The following MTMR3 variants were observed in gnomAD, a reference collection of about 807,000 sequenced individuals.
MTMR3 encodes phosphatidylinositol-3,5-bisphosphate 3-phosphatase MTMR3.
In MTMR3, 32 loss-of-function variants were observed where a neutral mutation model predicts 132.4. The ratio of observed to expected loss-of-function variants is 0.24; its 90% confidence interval spans 0.18 to 0.32. The LOEUF (loss-of-function observed/expected upper bound fraction) is 0.32, where lower values mean the gene tolerates loss of function less well. MTMR3 is among the 10% of genes least tolerant of loss of function. The pLI, the probability that MTMR3 is intolerant of heterozygous loss-of-function variation, is 1.00. For missense variants in MTMR3, 1,216 were observed against 1,489.6 expected, an observed-to-expected ratio of 0.82 and a Z score of 3.02; for synonymous variants, 556 against 550.3, an observed-to-expected ratio of 1.01 and a Z score of -0.14.
At chr22:29,923,218 G>GTT (rs530826008) in intron 1 of MTMR3, among the ~76,000 whole-genome samples, 140 of 144,792 alleles carry the variant, frequency 9.7e-4, no homozygotes, top group Non-Finnish European at 1.4e-3. Context: ...ATTTTTTGTA[G>GTT]TTTTTTTTTT....
intron 14 of MTMR3, 155 bp downstream of exon 14, chr22:30,013,696 G>C (rs1045547373): frequency 5.4e-6 from 4 of 736,614 alleles, no homozygotes; most frequent in African/African-American, 1.8e-5. Flanking sequence ...AAATAATTTT[G>C]CTATTTTCAA....
chr22:29,928,170 T>TC (rs1491449422), intron 1 of MTMR3, among the ~76,000 whole-genome samples: 1 of 121,774 alleles, frequency 8.2e-6, no homozygotes, highest in Non-Finnish European at 1.6e-5. Context: ...ATTTTTTTTT[T>TC]CTTTTTTTTT....
At chr22:29,942,592 C>T (rs1006560175) in intron 1 of MTMR3, among the ~76,000 whole-genome samples, 1 of 152,092 alleles carries the variant, frequency 6.6e-6, no homozygotes, top group Non-Finnish European at 1.5e-5. Context: ...TCCGCTACGA[C>T]CGTAAAAGAT....
chr22:30,007,874 G>A lies in MTMR3; in HGVS notation c.878-27G>A. 3 of 1,612,400 alleles carry A rather than the reference G, an allele frequency of 1.9e-6. No homozygotes were observed. The South Asian group carries it at 3.3e-5, about 18-fold the overall frequency. ...GTTCTGGGAGAGACAGGCTCATTTA[G>A]TATGCCCTCTCCCTCTGTGTCCCTA... On this transcript the variant is annotated intron_variant, in intron 10 of 19. Coordinates refer to ENST00000401950, the MANE Select transcript of MTMR3 (RefSeq NM_021090.4).
intron 2 of MTMR3, among the ~76,000 whole-genome samples, chr22:29,957,722 T>C (rs2066227727): frequency 6.6e-6 from 1 of 152,142 alleles, no homozygotes; most frequent in Non-Finnish European, 1.5e-5. Flanking sequence ...CTTAAATTGG[T>C]ATATATCTAT....
intron 15 of MTMR3, chr22:30,017,577 T>C: frequency 4.6e-6 from 1 of 215,290 alleles, no homozygotes; most frequent in South Asian, 7.7e-5. Flanking sequence ...AATCACCATC[T>C]AACAGAATGA....
chr22:30,021,984 A>C, intron 17 of MTMR3, 45 bp from the exon 18 acceptor site: 1 of 1,483,732 alleles, frequency 6.7e-7, no homozygotes, highest in Non-Finnish European at 9.4e-7. Flanking sequence ...TTCTTTTGGG[A>C]GGAGACCAGG....
intron 1 of MTMR3, among the ~76,000 whole-genome samples, chr22:29,907,506 G>C (rs2065127336): frequency 6.6e-6 from 1 of 151,210 alleles, no homozygotes. Flanking sequence ...ATAGTTGATG[G>C]ACCGTCAGAG....
At chr22:29,979,172 C>T in intron 5 of MTMR3, 120 bp downstream of exon 5, 1 of 700,982 alleles carries the variant, frequency 1.4e-6, no homozygotes, top group Admixed American at 2.4e-5. Flanking sequence ...ATGTGCTCTG[C>T]TTTTCTCACT....
At chr22:30,012,893 C>G (rs1034667379) in intron 13 of MTMR3, 1 of 228,386 alleles carries the variant, frequency 4.4e-6, no homozygotes, top group Non-Finnish European at 8.4e-6. Flanking sequence ...CCAGAGTGTT[C>G]TGTGGAGAAG....
intron 13 of MTMR3, 55 bp downstream of exon 13, chr22:30,012,618 C>T (rs2067460847): frequency 1.3e-6 from 2 of 1,497,090 alleles, no homozygotes; most frequent in Admixed American, 2.3e-5. Context: ...AGGGAAACGT[C>T]TCAGGAGTGA....
intron 11 of MTMR3, 31 bp from the exon 12 acceptor site, chr22:30,008,987 T>C: frequency 2.7e-6 from 4 of 1,488,418 alleles, no homozygotes; most frequent in Non-Finnish European, 3.7e-6. Flanking sequence ...GTTCAACGTA[T>C]TTGTGTTCTC....
intron 1 of MTMR3, among the ~76,000 whole-genome samples, chr22:29,928,925 A>T (rs2065583328): frequency 6.6e-6 from 1 of 152,200 alleles, no homozygotes; most frequent in Non-Finnish European, 1.5e-5. Flanking sequence ...GTCGTAGTAT[A>T]TTGTCAAGGT....
intron 8 of MTMR3, chr22:29,999,152 G>A: frequency 5.7e-6 from 1 of 176,554 alleles, no homozygotes; most frequent in Non-Finnish European, 1.2e-5. Flanking sequence ...CCTGTAGGCA[G>A]GCAGTTACCA....
intron 1 of MTMR3, among the ~76,000 whole-genome samples, chr22:29,902,017 G>A (rs1313020718): frequency 2.0e-5 from 3 of 152,100 alleles, no homozygotes; most frequent in Non-Finnish European, 2.9e-5. Flanking sequence ...AAGCATTGAT[G>A]CATGCATACA....
intron 1 of MTMR3, among the ~76,000 whole-genome samples, chr22:29,930,279 C>G (rs901053032): frequency 2.6e-5 from 4 of 152,162 alleles, no homozygotes; most frequent in African/African-American, 9.7e-5. Context: ...CATTAATTCT[C>G]TCTACTGCTC....
At chr22:29,949,697 AGATT>A (rs1363888378) in intron 1 of MTMR3, among the ~76,000 whole-genome samples, 3 of 152,026 alleles carry the variant, frequency 2.0e-5, no homozygotes, top group East Asian at 1.9e-4. Context: ...CTCTTCGTGG[AGATT>A]GATTATTTTG....
chr22:30,017,306 C>T (rs1258899308), intron 15 of MTMR3: 2 of 154,138 alleles, frequency 1.3e-5, no homozygotes, highest in East Asian at 3.8e-4. Flanking sequence ...CAGAATGCAT[C>T]TTAGACCCTA....
Position 30,022,137 on chromosome 22 carries a change from G to C in MTMR3, c.3334G>C (p.Glu1112Gln), listed in dbSNP as rs1343159877. 2 of 1,611,032 alleles carry C rather than the reference G, an allele frequency of 1.2e-6. No individual in the cohort carries two copies. Among genetic ancestry groups the C allele is most frequent in the Admixed American group, 1.7e-5 (1 of 60,030 alleles). Residue 1112 changes from glutamate to glutamine, a missense_variant and splice_region_variant, in exon 18 of 20, where the codon GAG becomes CAG. Glu to Gln is a conservative substitution (Grantham distance 29). Coordinates refer to ENST00000401950, the MANE Select transcript of MTMR3 (RefSeq NM_021090.4). Reference protein sequence around the residue: ...SWEQVDKQDTEMTRWLPDHLA... With the variant: ...SWEQVDKQDTQMTRWLPDHLA... ...GGAGCAGGTGGATAAACAGGACACA[G>C]AGGTACAGGCTCAGCCCCTGCTCTG...
Sources: gnomAD v4.1 joint callset for allele counts (sites outside exome capture counted in the v4.1 genomes callset) on GRCh38, gnomAD v4.1.1 for gene constraint, MANE v1.5 for transcripts, NCBI Gene and HGNC (gene_info 2026-07-23, HGNC 2026-07-21) for gene names.